Variants in CAMKMT observed in about 807,000 individuals in gnomAD.
The protein encoded by CAMKMT is calmodulin-lysine N-methyltransferase.
A neutral mutation model predicts 48.0 loss-of-function variants in CAMKMT; 53 were observed. The ratio of observed to expected loss-of-function variants is 1.10; its 90% CI spans 0.89 to 1.39. The LOEUF (loss-of-function observed/expected upper bound fraction) is 1.39, where lower values mean the gene tolerates loss of function less well. CAMKMT is among the 40% of genes most tolerant of loss of function. The pLI is 0.00. For synonymous variants in CAMKMT, 165 were observed against 152.3 expected (o/e 1.08, Z -0.61); for missense variants, 428 against 402.7 (o/e 1.06, Z -0.54).
At chr2:44,710,415 G>A (rs1677815420) in intron 6 of CAMKMT, among the ~76,000 whole-genome samples, 1 of 152,084 alleles carries the variant, frequency 6.6e-6, no homozygotes, top group Admixed American at 6.6e-5. Context: ...AGATTCATGG[G>A]TAGTTTTCCC....
At chr2:44,383,691 C>G (rs1680491106) in intron 2 of CAMKMT, among the ~76,000 whole-genome samples, 1 of 152,160 alleles carries the variant, frequency 6.6e-6, no homozygotes, top group African/African-American at 2.4e-5. Context: ...TTTGCATCCT[C>G]ATAGCTTAGC....
chr2:44,740,872 G>C (rs575005427), intron 7 of CAMKMT, among the ~76,000 whole-genome samples: 16 of 152,320 alleles, frequency 1.1e-4, no homozygotes, highest in African/African-American at 3.6e-4. Context: ...GATAAGATCA[G>C]TGTGGGCCAG....
chr2:44,554,556 T>G (rs1038821998), intron 3 of CAMKMT, among the ~76,000 whole-genome samples: 1 of 152,118 alleles, frequency 6.6e-6, no homozygotes, highest in African/African-American at 2.4e-5. Flanking sequence ...GGCAGCATAG[T>G]GAGACCCTGT....
rs34642444 is a variant in CAMKMT at position 44,652,484 on chromosome 2, C to T, written c.377-51799C>T. ...GAAGTAACCAGGGATGACAACCCCT[C>T]TGGGGTCTCCACAGGTAAAGCTTGA... is the stretch of plus-strand genomic sequence containing the variant. On this transcript the variant is annotated intron_variant, in intron 3 of 10. Transcript: ENST00000378494. Among the ~76,000 whole-genome samples, 581 of 152,308 alleles carry T rather than the reference C, an allele frequency of 3.8e-3. 6 individuals carry two copies. Among genetic ancestry groups the T allele is most frequent in the African/African-American group, 0.013 (549 of 41,560 alleles).
intron 10 of CAMKMT, among the ~76,000 whole-genome samples, chr2:44,768,431 C>T (rs907978483): frequency 1.3e-5 from 2 of 149,896 alleles, no homozygotes; most frequent in African/African-American, 4.9e-5. Context: ...CAAAAGAATG[C>T]CTCTGGTCCC....
At chr2:44,508,097 TG>T (rs1270945853) in intron 3 of CAMKMT, among the ~76,000 whole-genome samples, 2 of 152,218 alleles carry the variant, frequency 1.3e-5, no homozygotes, top group East Asian at 3.8e-4. Context: ...TTTAATGTAA[TG>T]ACCTTGTCTT....
chr2:44,406,370 T>A (rs1250210552), intron 3 of CAMKMT, among the ~76,000 whole-genome samples: 1 of 152,188 alleles, frequency 6.6e-6, no homozygotes, highest in Non-Finnish European at 1.5e-5. Context: ...TTTGGAGTTA[T>A]AATAAGTTTG....
chr2:44,576,125 G>A (rs149814799), intron 3 of CAMKMT, among the ~76,000 whole-genome samples: 2 of 151,948 alleles, frequency 1.3e-5, no homozygotes, highest in East Asian at 1.9e-4. Context: ...TCAGGAGTTC[G>A]AGACCAGCCT....
intron 9 of CAMKMT, among the ~76,000 whole-genome samples, chr2:44,755,459 G>A (rs1378781591): frequency 6.6e-6 from 1 of 152,182 alleles, no homozygotes; most frequent in Non-Finnish European, 1.5e-5. Flanking sequence ...GAATATGAAG[G>A]CCTCTATGAA....
At chr2:44,378,579 C>T (rs757060571) in intron 2 of CAMKMT, among the ~76,000 whole-genome samples, 2 of 152,080 alleles carry the variant, frequency 1.3e-5, no homozygotes, top group Non-Finnish European at 2.9e-5. Context: ...CTGCAACCTC[C>T]GCCTCCCGGG....
In CAMKMT at chr2:44,454,080, T is replaced by C. The variant is rs114531779; in HGVS notation, c.376+63775T>C. ...AATAAGGAGACGGTAACATCTGATT[T>C]TGACAACTCTTAAAAAATAAGTTGG... On this transcript the variant is annotated intron_variant, in intron 3 of 10. Coordinates refer to ENST00000378494, the MANE Select transcript of CAMKMT (RefSeq NM_024766.5). Among the ~76,000 whole-genome samples the C allele has an allele frequency of 6.7e-3, 1,022 of 152,204 alleles. 14 individuals are homozygous for C. The highest frequency in any genetic ancestry group is 0.023 in the African/African-American group (960 of 41,558).
At chr2:44,591,268 T>A (rs1438416757) in intron 3 of CAMKMT, among the ~76,000 whole-genome samples, 5 of 152,150 alleles carry the variant, frequency 3.3e-5, no homozygotes, top group Admixed American at 6.5e-5. Context: ...AACTTTAAAG[T>A]AGTTTTTTCC....
chr2:44,493,938 A>G (rs1669634824), intron 3 of CAMKMT, among the ~76,000 whole-genome samples: 1 of 152,218 alleles, frequency 6.6e-6, no homozygotes, highest in Non-Finnish European at 1.5e-5. Flanking sequence ...CTACATTTGG[A>G]TAATAAAAGC....
intron 3 of CAMKMT, among the ~76,000 whole-genome samples, chr2:44,591,855 C>T (rs1319449421): frequency 3.9e-5 from 6 of 151,978 alleles, no homozygotes; most frequent in Non-Finnish European, 7.4e-5. Flanking sequence ...AAATGTGGCA[C>T]ATATACACCA....
At chr2:44,497,346 C>A (rs1008873525) in intron 3 of CAMKMT, among the ~76,000 whole-genome samples, 9 of 151,750 alleles carry the variant, frequency 5.9e-5, no homozygotes, top group South Asian at 2.1e-4. Context: ...CTTTTACTAG[C>A]CAGAGTTGGA....
At chr2:44,502,720 T>A (rs1156359795) in intron 3 of CAMKMT, among the ~76,000 whole-genome samples, 1 of 152,172 alleles carries the variant, frequency 6.6e-6, no homozygotes, top group Non-Finnish European at 1.5e-5. Flanking sequence ...AGCATGCATA[T>A]CCACCTTCAA....
rs1677427786 is a variant in CAMKMT, at chr2:44,704,367, T to G, written c.437+24T>G. 4.6e-6 allele frequency: 7 copies of G among 1,513,416 alleles called. No individual in the cohort carries two copies. The African/African-American group carries it at 5.5e-5, about 12-fold the overall frequency. 93.7% of individuals were successfully genotyped at this position (1,513,416 alleles called of 1,614,324 possible). ...AGGTACAGAGCTGCACTTAAGATAT[T>G]TTTTAGCCCATCACGGATATTGAAT... is the stretch of plus-strand genomic sequence containing the variant. On this transcript the variant is annotated intron_variant, in intron 4 of 10. Coordinates refer to ENST00000378494, the MANE Select transcript of CAMKMT (RefSeq NM_024766.5).
At chr2:44,406,457 C>A (rs1481612720) in intron 3 of CAMKMT, among the ~76,000 whole-genome samples, 1 of 150,728 alleles carries the variant, frequency 6.6e-6, no homozygotes, top group African/African-American at 2.5e-5. Context: ...GAATTGTCAC[C>A]CTTGAGTTTC....
chr2:44,754,214 A>G (rs1000108690), intron 9 of CAMKMT, 96 bp downstream of exon 9: 2 of 932,516 alleles, frequency 2.1e-6, no homozygotes, highest in East Asian at 4.9e-5. Flanking sequence ...GATTAATGTC[A>G]TGTAATACTT....
Sources: gnomAD v4.1 joint callset for allele counts (sites outside exome capture counted in the v4.1 genomes callset) on GRCh38, gnomAD v4.1.1 for gene constraint, MANE v1.5 for transcripts, NCBI Gene and HGNC (gene_info 2026-07-23, HGNC 2026-07-21) for gene names.